FHAD1: variants seen among roughly 807,000 people sequenced by gnomAD.
FHAD1 encodes the protein forkhead associated phosphopeptide binding domain 1.
FHAD1 carries 146 observed loss-of-function variants against 191.3 expected under a neutral mutation model. That is an observed-to-expected ratio of 0.76 (90% CI 0.67 to 0.88). The LOEUF is 0.88. Among genes scored for constraint, FHAD1 ranks in the 40% least tolerant of loss-of-function variants. The pLI is 0.00. For missense variants in FHAD1, 1,635 were observed against 1,785.8 expected (o/e 0.92, Z 1.52); for synonymous variants, 616 against 672.3 (o/e 0.92, Z 1.29).
chr1:15,290,453 T>TC (rs1157916303), intron 4 of FHAD1, among the ~76,000 whole-genome samples: 2 of 151,964 alleles, frequency 1.3e-5, no homozygotes, highest in African/African-American at 4.8e-5. Context: ...CCCTTCGGAG[T>TC]CCCCAGACAT....
At chr1:15,310,155 C>T (rs922878228) in intron 7 of FHAD1, among the ~76,000 whole-genome samples, 5 of 152,146 alleles carry the variant, frequency 3.3e-5, no homozygotes, top group Non-Finnish European at 7.4e-5. Context: ...GGGAATGAGT[C>T]CAGATTGGGC....
chr1:15,375,164 C>G (rs1699257216), intron 27 of FHAD1, among the ~76,000 whole-genome samples: 1 of 152,106 alleles, frequency 6.6e-6, no homozygotes, highest in South Asian at 2.1e-4. Flanking sequence ...CCTACTTTTT[C>G]TTATTTCATG....
intron 18 of FHAD1, 35 bp from the exon 19 acceptor site, chr1:15,349,007 G>T (rs775509604): frequency 5.9e-6 from 8 of 1,345,290 alleles, no homozygotes; most frequent in Non-Finnish European, 6.2e-6. Context: ...CCCTAAATGT[G>T]CAGGCCACCA....
At position 15,360,460 on chromosome 1, in the gene FHAD1, T is replaced by A; in HGVS notation, c.2737-18T>A. On this transcript the variant is annotated intron_variant, in intron 21 of 33. Transcript: ENST00000688493. ...ACACAGCTCCCAAGACCTCACTGAG[T>A]GACTCTCTGTTTCCCAGATCATGGT... is the stretch of plus-strand genomic sequence containing the variant. 1 of 1,548,228 alleles carries A rather than the reference T, an allele frequency of 6.5e-7. No homozygotes were observed. The highest frequency in any genetic ancestry group is 1.2e-5 in the South Asian group (1 of 83,962).
At chr1:15,296,615 G>T in intron 4 of FHAD1, 69 bp from the exon 5 acceptor site, 1 of 1,314,618 alleles carries the variant, frequency 7.6e-7, no homozygotes, top group South Asian at 1.3e-5. Flanking sequence ...AGGCTAACGT[G>T]AACATCTTCT....
intron 9 of FHAD1, 98 bp from the exon 10 acceptor site, chr1:15,317,726 G>A: frequency 1.4e-6 from 1 of 729,484 alleles, no homozygotes. Context: ...CACCTTAATG[G>A]ATGGGATGCC....
intron 3 of FHAD1, among the ~76,000 whole-genome samples, chr1:15,283,770 A>G (rs527439): frequency 0.61 from 93,049 of 152,012 alleles, 28,583 homozygotes; most frequent in African/African-American, 0.68. Context: ...GGAACCTATA[A>G]CGTTCCTGGA....
chr1:15,288,744 G>A (rs921932926), intron 3 of FHAD1, among the ~76,000 whole-genome samples: 4 of 152,210 alleles, frequency 2.6e-5, no homozygotes, highest in Admixed American at 6.5e-5. Flanking sequence ...TCAATACCAC[G>A]TCTGTGGGTG....
At chr1:15,352,177 A>G (rs1691137606) in intron 19 of FHAD1, among the ~76,000 whole-genome samples, 1 of 152,152 alleles carries the variant, frequency 6.6e-6, no homozygotes, top group Admixed American at 6.5e-5. Flanking sequence ...TTGTACATAT[A>G]CACGTATATT....
chr1:15,388,220 G>A (rs72643654), intron 32 of FHAD1, 89 bp downstream of exon 32: 99,587 of 762,276 alleles, frequency 0.13, 7,650 homozygotes, highest in South Asian at 0.22. Context: ...GCCTGCACGC[G>A]CTGCCCAAGG....
At chr1:15,301,520 C>G (rs1668764833) in intron 6 of FHAD1, 79 bp downstream of exon 6, 35 of 1,273,654 alleles carry the variant, frequency 2.7e-5, no homozygotes, top group Non-Finnish European at 3.8e-5. Flanking sequence ...CAAGGTGAGC[C>G]ACCCAGAGTT....
In FHAD1 at chr1:15,276,494, C is replaced by CT. The variant is rs557628931; in HGVS notation, c.300+3971dup. 8.5e-4 allele frequency among the ~76,000 whole-genome samples: 129 copies of CT among 152,324 alleles called. No homozygotes were observed. The highest frequency in any genetic ancestry group is 3.0e-3 in the African/African-American group (126 of 41,570). On this transcript the variant is annotated intron_variant, in intron 3 of 33. Transcript: ENST00000688493. This position sits in a 1 kb window ranked among gnomAD's most constrained non-coding sequence, Gnocchi z 4.7. ...TAAGAGTACACGTTATATATCATAG[C>CT]TTTTTTGCCAAAGTATAGCCTAGGG...
At chr1:15,297,540 A>G (rs2100803941) in intron 5 of FHAD1, among the ~76,000 whole-genome samples, 1 of 152,338 alleles carries the variant, frequency 6.6e-6, no homozygotes, top group East Asian at 1.9e-4. Context: ...ATCTGCAGCA[A>G]TGGTGAGTAA....
intron 14 of FHAD1, among the ~76,000 whole-genome samples, chr1:15,335,681 A>G (rs1011314320): frequency 6.6e-6 from 1 of 152,174 alleles, no homozygotes; most frequent in Non-Finnish European, 1.5e-5. Flanking sequence ...CACTTCCCAC[A>G]TTATGAATTT....
chr1:15,269,857 C>T (rs1655136086), intron 2 of FHAD1, among the ~76,000 whole-genome samples: 1 of 151,110 alleles, frequency 6.6e-6, no homozygotes, highest in Non-Finnish European at 1.5e-5. Context: ...GGTGCATGCA[C>T]ATCAAGCATT....
In FHAD1 at chr1:15,374,545, G is replaced by A. The variant is rs749109875; in HGVS notation, c.3491G>A (p.Arg1164Gln). ...SDLGVRCKGSRHEEVIQRQKK... is the reference protein window; with the variant it reads ...SDLGVRCKGSQHEEVIQRQKK... ...CTAGGGGTCAGGTGCAAAGGGTCCCGGCACGAGGAGGTCATTCAGCGTCAG... is the reference window on the plus strand; with the variant it reads ...CTAGGGGTCAGGTGCAAAGGGTCCCAGCACGAGGAGGTCATTCAGCGTCAG... Residue 1164 changes from arginine to glutamine, a missense_variant, in exon 27 of 34, where the codon CGG becomes CAG. By Grantham distance (43) the Arg-to-Gln change is conservative (BLOSUM62 1). Coordinates refer to ENST00000688493, the MANE Select transcript of FHAD1 (RefSeq NM_001391957.1). The A allele has an allele frequency of 9.7e-5, 150 of 1,551,624 alleles. No homozygotes were observed. The highest frequency in any genetic ancestry group is 1.5e-4 in the East Asian group (6 of 40,916).
chr1:15,344,074 A>G (rs1687882236), intron 16 of FHAD1, among the ~76,000 whole-genome samples: 1 of 152,062 alleles, frequency 6.6e-6, no homozygotes, highest in African/African-American at 2.4e-5. Flanking sequence ...CTCCTTGCAG[A>G]GGGAGGAAGC....
At chr1:15,307,489 A>C (rs1464450796) in intron 6 of FHAD1, among the ~76,000 whole-genome samples, 2 of 152,126 alleles carry the variant, frequency 1.3e-5, no homozygotes, top group Non-Finnish European at 2.9e-5. Context: ...GTCTCCACCA[A>C]ATCTCAACTT....
intron 8 of FHAD1, chr1:15,315,090 T>C (rs554192654): frequency 6.6e-6 from 1 of 152,172 alleles, no homozygotes; most frequent in East Asian, 1.9e-4. Context: ...CATCAGCACG[T>C]GGGCTCCTCG....
Sources: allele counts gnomAD v4.1 joint callset (sites outside exome capture counted in the v4.1 genomes callset), GRCh38; gene constraint gnomAD v4.1.1; non-coding constraint Gnocchi (gnomAD v3.1); transcripts MANE v1.5; gene names NCBI Gene and HGNC (gene_info 2026-07-23, HGNC 2026-07-21).